The following LAPTM4B variants were observed in gnomAD, a reference collection of about 807,000 sequenced individuals.
LAPTM4B encodes lysosomal-associated transmembrane protein 4B.
Under a neutral mutation model 28.5 loss-of-function variants are expected in LAPTM4B, and 26 were observed. The observed-to-expected ratio is 0.91, with a 90% confidence interval of 0.67 to 1.27. LAPTM4B has a LOEUF of 1.27. Among genes scored for constraint, LAPTM4B ranks in the 50% most tolerant of loss-of-function variants. The pLI is 0.00. For synonymous variants in LAPTM4B, 109 were observed against 106.4 expected, an observed-to-expected ratio of 1.02 and a Z score of -0.15; for missense variants, 288 against 285.8, an observed-to-expected ratio of 1.01 and a Z score of -0.06.
chr8:97,809,952 G>A (rs1563610097), intron 2 of LAPTM4B, among the ~76,000 whole-genome samples: 2 of 152,020 alleles, frequency 1.3e-5, no homozygotes, highest in East Asian at 1.9e-4. Flanking sequence ...TTTGAGGCTG[G>A]GTCCCACTCT....
intron 6 of LAPTM4B, among the ~76,000 whole-genome samples, chr8:97,831,917 C>T (rs1258755233): frequency 6.6e-6 from 1 of 152,140 alleles, no homozygotes; most frequent in African/African-American, 2.4e-5. Flanking sequence ...CTTTATTAGA[C>T]CCAGCTGGTG....
intron 1 of LAPTM4B, among the ~76,000 whole-genome samples, chr8:97,800,189 C>G (rs949931984): frequency 6.6e-6 from 1 of 152,142 alleles, no homozygotes; most frequent in Non-Finnish European, 1.5e-5. Flanking sequence ...TATATATGAT[C>G]AGTAGACTCC....
chr8:97,832,851 TGCGCA>T (rs1197704336), intron 6 of LAPTM4B, among the ~76,000 whole-genome samples: 3 of 149,510 alleles, frequency 2.0e-5, no homozygotes, highest in African/African-American at 7.3e-5. Flanking sequence ...GGATTACAGG[TGCGCA>T]CCGCCACGCC....
intron 1 of LAPTM4B, among the ~76,000 whole-genome samples, chr8:97,787,419 G>A (rs1454653056): frequency 6.6e-6 from 1 of 151,880 alleles, no homozygotes; most frequent in Admixed American, 6.6e-5. Flanking sequence ...CCGAGTAGCT[G>A]GGACTACAGG....
At chr8:97,809,557 G>A (rs192118560) in intron 2 of LAPTM4B, among the ~76,000 whole-genome samples, 109 of 152,132 alleles carry the variant, frequency 7.2e-4, no homozygotes, top group African/African-American at 2.4e-3. Context: ...AAAATTAGTC[G>A]GGTGTGATGG....
chr8:97,810,161 A>G lies in LAPTM4B; in HGVS notation c.211+4697A>G, dbSNP rs192583320. Among the ~76,000 whole-genome samples the G allele has an allele frequency of 2.3e-3, 346 of 152,232 alleles. 4 individuals are homozygous for G. Among genetic ancestry groups the G allele is most frequent in the Non-Finnish European group, 4.1e-4 (28 of 68,014 alleles). ...GGTCTCAAACTCCTGAGCTCAAGCA[A>G]TTCGTCATTCTCGACGTCCCAAAGT... is the stretch of plus-strand genomic sequence containing the variant. On this transcript the variant is annotated intron_variant, in intron 2 of 6. Transcript: ENST00000521545.
At chr8:97,786,661 T>G (rs1474229172) in intron 1 of LAPTM4B, among the ~76,000 whole-genome samples, 1 of 144,620 alleles carries the variant, frequency 6.9e-6, no homozygotes, top group Non-Finnish European at 1.5e-5. Context: ...ATCGTGCCGC[T>G]ACACTCCAGC....
chr8:97,798,778 G>C (rs1816629072), intron 1 of LAPTM4B, among the ~76,000 whole-genome samples: 2 of 152,338 alleles, frequency 1.3e-5, no homozygotes, highest in South Asian at 4.1e-4. Flanking sequence ...GCATCAGGCT[G>C]TCAGAACTCC....
In LAPTM4B at chr8:97,793,380, C is replaced by T. The variant is rs1437249955; in HGVS notation, c.100-11973C>T. Among the ~76,000 whole-genome samples, 5 of 152,014 alleles carry T rather than the reference C, an allele frequency of 3.3e-5. No individual in the cohort carries two copies. The East Asian group carries it at 9.6e-4, about 29-fold the overall frequency. ...AGAAAAAAAAAGGTTTAGCTCGCCCCCAGCACTCATTTAATTTTGTATAAA... is the reference window on the plus strand; with the variant it reads ...AGAAAAAAAAAGGTTTAGCTCGCCCTCAGCACTCATTTAATTTTGTATAAA... On this transcript the variant is annotated intron_variant, in intron 1 of 6. Transcript: ENST00000521545.
intron 2 of LAPTM4B, among the ~76,000 whole-genome samples, chr8:97,810,297 A>G (rs1454476528): frequency 6.6e-6 from 1 of 152,196 alleles, no homozygotes; most frequent in Non-Finnish European, 1.5e-5. Context: ...AGGAGACACA[A>G]TTAAATGCAC....
chr8:97,793,992 T>G (rs984757448), intron 1 of LAPTM4B, among the ~76,000 whole-genome samples: 2 of 151,486 alleles, frequency 1.3e-5, no homozygotes, highest in African/African-American at 2.4e-5. Context: ...TTGTTTTTTG[T>G]TTTTTTTGAC....
At chr8:97,845,012 T>C (rs979151287) in intron 6 of LAPTM4B, among the ~76,000 whole-genome samples, 1 of 152,196 alleles carries the variant, frequency 6.6e-6, no homozygotes, top group African/African-American at 2.4e-5. Flanking sequence ...CTCCACTTTT[T>C]CACCCCAGCA....
At chr8:97,777,256 C>T (rs1448302840) in intron 1 of LAPTM4B, among the ~76,000 whole-genome samples, 4 of 146,932 alleles carry the variant, frequency 2.7e-5, no homozygotes, top group Non-Finnish European at 5.9e-5. Flanking sequence ...AAGCGATTCT[C>T]CTTCCTCAGC....
chr8:97,850,139 TC>T (rs1473619883), intron 6 of LAPTM4B, among the ~76,000 whole-genome samples: 2 of 151,890 alleles, frequency 1.3e-5, no homozygotes, highest in Non-Finnish European at 2.9e-5. Context: ...CCATTAGTGC[TC>T]TTTCCCCGCC....
chr8:97,838,564 C>T (rs552757869), intron 6 of LAPTM4B, among the ~76,000 whole-genome samples: 32 of 152,300 alleles, frequency 2.1e-4, no homozygotes, highest in African/African-American at 7.5e-4. Context: ...GGTCACCCTG[C>T]TAGTCGAGTG....
At chr8:97,788,062 C>G (rs1294296479) in intron 1 of LAPTM4B, 1 of 152,644 alleles carries the variant, frequency 6.6e-6, no homozygotes, top group Non-Finnish European at 1.5e-5. Context: ...AGCCAACCAA[C>G]ACATTCATAA....
chr8:97,826,098 T>A (rs2129815163), intron 6 of LAPTM4B, among the ~76,000 whole-genome samples: 1 of 152,362 alleles, frequency 6.6e-6, no homozygotes. Flanking sequence ...TACTTTCTTG[T>A]GTATAAAATG....
intron 1 of LAPTM4B, among the ~76,000 whole-genome samples, chr8:97,795,093 T>C (rs1299830584): frequency 1.3e-5 from 2 of 152,238 alleles, no homozygotes. Context: ...AATCAGATTA[T>C]AATGTTTATT....
chr8:97,789,274 C>T (rs1231966769), intron 1 of LAPTM4B, among the ~76,000 whole-genome samples: 1 of 151,480 alleles, frequency 6.6e-6, no homozygotes, highest in Non-Finnish European at 1.5e-5. Context: ...GGGGTTTCAC[C>T]ATGTTGGCCA....
Sources: gnomAD v4.1 joint callset for allele counts (sites outside exome capture counted in the v4.1 genomes callset) on GRCh38, gnomAD v4.1.1 for gene constraint, MANE v1.5 for transcripts, NCBI Gene and HGNC (gene_info 2026-07-23, HGNC 2026-07-21) for gene names.